LRMDA: variants seen among roughly 807,000 people sequenced by gnomAD.
LRMDA encodes leucine-rich melanocyte differentiation-associated protein.
In LRMDA, 18 loss-of-function variants were observed where a neutral mutation model predicts 29.8. That is an observed-to-expected ratio of 0.60 (90% CI 0.42 to 0.90). LRMDA has a LOEUF of 0.90. Among genes scored for constraint, LRMDA ranks in the 40% least tolerant of loss-of-function variants. LRMDA has a pLI of 0.00. For missense variants in LRMDA, 273 were observed against 273.9 expected (o/e 1.00, Z 0.02); for synonymous variants, 125 against 109.4 (o/e 1.14, Z -0.89).
At chr10:75,854,348 C>A (rs1351334616) in intron 2 of LRMDA, among the ~76,000 whole-genome samples, 2 of 152,010 alleles carry the variant, frequency 1.3e-5, no homozygotes, top group African/African-American at 4.8e-5. Flanking sequence ...GTCCTGGTTT[C>A]CCTGGGATAG....
chr10:75,441,854 G>T (rs1277034123), intron 2 of LRMDA, among the ~76,000 whole-genome samples: 1 of 151,790 alleles, frequency 6.6e-6, no homozygotes, highest in Non-Finnish European at 1.5e-5. Context: ...ACTCCTCTAG[G>T]TTGCAAGATC....
chr10:75,690,994 T>TATACAC (rs1232064510), intron 2 of LRMDA, among the ~76,000 whole-genome samples: 5 of 100,038 alleles, frequency 5.0e-5, no homozygotes, highest in Admixed American at 2.2e-4. Flanking sequence ...TATATATATA[T>TATACAC]ACACACACAC....
chr10:75,636,226 T>C (rs1841388535), intron 2 of LRMDA, among the ~76,000 whole-genome samples: 1 of 152,236 alleles, frequency 6.6e-6, no homozygotes, highest in Admixed American at 6.5e-5. Context: ...AAGCTTTAGA[T>C]TCAGACCTGA....
At chr10:76,453,340 G>A (rs906934268) in intron 6 of LRMDA, among the ~76,000 whole-genome samples, 1 of 152,180 alleles carries the variant, frequency 6.6e-6, no homozygotes, top group African/African-American at 2.4e-5. Flanking sequence ...GCCAACTAAG[G>A]TGTAATGAAA....
intron 6 of LRMDA, among the ~76,000 whole-genome samples, chr10:76,489,128 T>C (rs1387742139): frequency 6.6e-6 from 1 of 151,984 alleles, no homozygotes; most frequent in African/African-American, 2.4e-5. Context: ...AATTCAGCAG[T>C]GAATCCATCA....
chr10:75,573,748 A>G (rs955143128), intron 2 of LRMDA, among the ~76,000 whole-genome samples: 3 of 152,028 alleles, frequency 2.0e-5, no homozygotes, highest in African/African-American at 7.2e-5. Context: ...CTCTTTTCAT[A>G]GTGATTTGTT....
At chr10:75,750,620 G>A (rs1186054654) in intron 2 of LRMDA, among the ~76,000 whole-genome samples, 27 of 129,260 alleles carry the variant, frequency 2.1e-4, no homozygotes, top group Non-Finnish European at 3.4e-4. Context: ...GGGCAGAGGC[G>A]CTCCTCACAT....
intron 5 of LRMDA, among the ~76,000 whole-genome samples, chr10:76,261,055 T>C (rs1839935003): frequency 8.2e-6 from 1 of 121,700 alleles, no homozygotes; most frequent in Non-Finnish European, 1.7e-5. Flanking sequence ...CTTGCGTTTC[T>C]TTTCTTTTCT....
intron 2 of LRMDA, among the ~76,000 whole-genome samples, chr10:75,579,858 A>G (rs1840563022): frequency 1.3e-5 from 2 of 152,260 alleles, no homozygotes; most frequent in Admixed American, 1.3e-4. Flanking sequence ...AAGTCCTTTG[A>G]CAAAATTCAA....
intron 2 of LRMDA, among the ~76,000 whole-genome samples, chr10:75,645,191 C>T (rs1382776802): frequency 6.6e-6 from 1 of 152,168 alleles, no homozygotes; most frequent in Non-Finnish European, 1.5e-5. Context: ...CCATGTTGGC[C>T]AGGCTGGTCT....
At chr10:76,076,255 A>C (rs1212747808) in intron 5 of LRMDA, among the ~76,000 whole-genome samples, 1 of 145,644 alleles carries the variant, frequency 6.9e-6, no homozygotes, top group Non-Finnish European at 1.5e-5. Context: ...AGGCAGGAGA[A>C]TGGCGTGAAC....
intron 5 of LRMDA, among the ~76,000 whole-genome samples, chr10:76,286,545 G>T (rs1047790368): frequency 1.3e-5 from 2 of 152,280 alleles, no homozygotes; most frequent in East Asian, 3.9e-4. Flanking sequence ...AGCAGTTAAG[G>T]ATGAGACCAG....
intron 6 of LRMDA, among the ~76,000 whole-genome samples, chr10:76,385,386 C>A (rs968226857): frequency 3.9e-5 from 6 of 152,174 alleles, no homozygotes; most frequent in African/African-American, 7.2e-5. Flanking sequence ...GCGTTGTTTA[C>A]AGAATGCCTC....
chr10:75,667,230 CCA>C (rs1491268019), intron 2 of LRMDA, among the ~76,000 whole-genome samples: 14 of 151,886 alleles, frequency 9.2e-5, no homozygotes, highest in Non-Finnish European at 5.9e-5. Flanking sequence ...ACCCCCCCCC[CCA>C]AGTAAGAATA....
At chr10:75,943,029 A>T (rs912580820) in intron 2 of LRMDA, among the ~76,000 whole-genome samples, 1 of 152,080 alleles carries the variant, frequency 6.6e-6, no homozygotes, top group Non-Finnish European at 1.5e-5. Flanking sequence ...TGGTCAGGCC[A>T]TTTTTGTCTC....
At chr10:76,485,160 C>T (rs1329118333) in intron 6 of LRMDA, among the ~76,000 whole-genome samples, 2 of 151,848 alleles carry the variant, frequency 1.3e-5, no homozygotes, top group African/African-American at 4.8e-5. Flanking sequence ...GTTGGATTAA[C>T]ATCTACCATG....
At chr10:76,378,020 G>A (rs1206737450) in intron 6 of LRMDA, among the ~76,000 whole-genome samples, 1 of 152,042 alleles carries the variant, frequency 6.6e-6, no homozygotes, top group East Asian at 1.9e-4. Flanking sequence ...CCATGGGCAT[G>A]GGATGTTTTT....
intron 5 of LRMDA, among the ~76,000 whole-genome samples, chr10:76,068,508 G>A (rs949473208): frequency 6.6e-6 from 1 of 152,158 alleles, no homozygotes; most frequent in African/African-American, 2.4e-5. Context: ...CTACAACCTA[G>A]ATCCCTCACA....
At chr10:76,143,425 C>T (rs916437214) in intron 5 of LRMDA, among the ~76,000 whole-genome samples, 1 of 152,148 alleles carries the variant, frequency 6.6e-6, no homozygotes, top group Non-Finnish European at 1.5e-5. Context: ...TTTTGATTTG[C>T]ATTTCTCTGA....
Sources: gnomAD v4.1 joint callset for allele counts (sites outside exome capture counted in the v4.1 genomes callset) on GRCh38, gnomAD v4.1.1 for gene constraint, MANE v1.5 for transcripts, NCBI Gene and HGNC (gene_info 2026-07-23, HGNC 2026-07-21) for gene names.